TENM1: variants seen among roughly 807,000 people sequenced by gnomAD.
TENM1 encodes teneurin transmembrane protein 1.
TENM1 carries 35 observed loss-of-function variants against 174.8 expected under a neutral mutation model. The observed-to-expected ratio is 0.20, with a 90% confidence interval of 0.15 to 0.27. TENM1 has a LOEUF of 0.27. Ranked by LOEUF, TENM1 falls within the 10% of genes least tolerant of loss-of-function variation. TENM1 has a pLI of 1.00. For missense variants in TENM1, 1,633 were observed against 2,130.1 expected (o/e 0.77, Z 4.59); for synonymous variants, 781 against 798.7 (o/e 0.98, Z 0.37).
chrX:124,401,735 T>C (rs2060403102), intron 27 of TENM1, among the ~76,000 whole-genome samples: 1 of 111,781 alleles, frequency 8.9e-6, no homozygotes, highest in Non-Finnish European at 1.9e-5. Flanking sequence ...TTCATTAAAT[T>C]GGAAATGCCA....
the TENM1 span, among the ~76,000 whole-genome samples, chrX:125,061,729 C>T: frequency 8.9e-6 from 1 of 111,808 alleles, no homozygotes; most frequent in African/African-American, 3.3e-5. Context: ...CCAGCCTGGC[C>T]TCCATGATGA....
chrX:125,071,587 T>C, the TENM1 span, among the ~76,000 whole-genome samples: 1 of 112,053 alleles, frequency 8.9e-6, no homozygotes, highest in Non-Finnish European at 1.9e-5. Flanking sequence ...CTACTTAATT[T>C]TAAAAAGCCT....
chrX:125,193,022 A>G, the TENM1 span, among the ~76,000 whole-genome samples: 10 of 106,940 alleles, frequency 9.4e-5, no homozygotes, highest in Non-Finnish European at 1.9e-4. Context: ...CTTGTGAATT[A>G]TTTTTTCATG....
the TENM1 span, among the ~76,000 whole-genome samples, chrX:125,137,840 C>T: frequency 9.0e-6 from 1 of 111,167 alleles, no homozygotes; most frequent in East Asian, 2.8e-4. Context: ...CCATATATTA[C>T]TTGATGCCAT....
At chrX:125,071,967 C>T in the TENM1 span, among the ~76,000 whole-genome samples, 5 of 110,848 alleles carry the variant, frequency 4.5e-5, no homozygotes, top group Non-Finnish European at 9.5e-5. Flanking sequence ...AAAGCAGTGT[C>T]GAAGGTCATC....
intron 14 of TENM1, among the ~76,000 whole-genome samples, chrX:124,556,145 G>A (rs1408208599): frequency 9.0e-6 from 1 of 111,650 alleles, no homozygotes; most frequent in Non-Finnish European, 1.9e-5. Context: ...AGAGGTGGAC[G>A]AGGTCCAGTC....
At chrX:124,728,428 T>A (rs1043460898) in intron 4 of TENM1, among the ~76,000 whole-genome samples, 10 of 111,766 alleles carry the variant, frequency 8.9e-5, no homozygotes, top group African/African-American at 2.6e-4. Flanking sequence ...AAAAGAATAG[T>A]GCCTAATATC....
intron 22 of TENM1, among the ~76,000 whole-genome samples, chrX:124,466,943 C>A (rs1186486939): frequency 1.8e-5 from 2 of 111,605 alleles, no homozygotes; most frequent in Admixed American, 1.9e-4. Flanking sequence ...GCAGACCTAT[C>A]AATCTATTAC....
chrX:124,507,311 G>C (rs2148007454), intron 18 of TENM1, among the ~76,000 whole-genome samples: 1 of 111,204 alleles, frequency 9.0e-6, no homozygotes, highest in South Asian at 3.9e-4. Flanking sequence ...TCTGAGCCAT[G>C]TGATCACCTC....
At chrX:124,809,420 A>C (rs5958589) in intron 3 of TENM1, among the ~76,000 whole-genome samples, 5,278 of 111,295 alleles carry the variant, frequency 0.047, 193 homozygotes, top group African/African-American at 0.12. Flanking sequence ...ACACAGATGC[A>C]AAAATCCTCA....
chrX:124,611,485 C>T (rs775556044), intron 11 of TENM1, among the ~76,000 whole-genome samples: 7 of 111,787 alleles, frequency 6.3e-5, no homozygotes, highest in Non-Finnish European at 1.1e-4. Flanking sequence ...ACCTACTTAA[C>T]TTACTCCTTG....
At chrX:124,759,356 A>G (rs1029557146) in intron 3 of TENM1, among the ~76,000 whole-genome samples, 1 of 111,257 alleles carries the variant, frequency 9.0e-6, no homozygotes, top group Non-Finnish European at 1.9e-5. Flanking sequence ...CTTTTGGGGA[A>G]CGGGTGGTAT....
chrX:124,581,984 A>G (rs2148216695), intron 11 of TENM1, among the ~76,000 whole-genome samples: 1 of 111,762 alleles, frequency 8.9e-6, no homozygotes, highest in East Asian at 2.8e-4. Flanking sequence ...CTATCAACCC[A>G]TCACCTAGGT....
the TENM1 span, among the ~76,000 whole-genome samples, chrX:125,119,006 G>A: frequency 9.0e-6 from 1 of 110,981 alleles, no homozygotes; most frequent in Non-Finnish European, 1.9e-5. Flanking sequence ...GGGTAGTGTG[G>A]TGACTCTATG....
intron 23 of TENM1, among the ~76,000 whole-genome samples, chrX:124,451,696 A>G (rs1477395505): frequency 8.9e-6 from 1 of 111,805 alleles, no homozygotes; most frequent in African/African-American, 3.3e-5. Context: ...GGAACAGAAC[A>G]GAGCCCTCAG....
intron 11 of TENM1, among the ~76,000 whole-genome samples, chrX:124,578,418 G>A (rs1229057074): frequency 2.7e-5 from 3 of 111,098 alleles, no homozygotes; most frequent in African/African-American, 6.5e-5. Flanking sequence ...TTAAGAGTAC[G>A]GACTCTAAAG....
chrX:124,561,795 A>G (rs761530362), exon 14 of TENM1: 51 of 1,209,392 alleles, frequency 4.2e-5, no homozygotes, highest in Non-Finnish European at 5.6e-5. Flanking sequence ...GTCCATTTCC[A>G]AAGCAGAGCC....
chrX:125,121,222 T>C, the TENM1 span, among the ~76,000 whole-genome samples: 64 of 111,254 alleles, frequency 5.8e-4, no homozygotes, highest in African/African-American at 1.9e-3. Flanking sequence ...CTATCCCTGA[T>C]CTATATACCA....
intron 11 of TENM1, among the ~76,000 whole-genome samples, chrX:124,569,499 A>C (rs886742910): frequency 3.1e-4 from 35 of 112,144 alleles, no homozygotes; most frequent in African/African-American, 1.1e-3. Context: ...AATATTGACC[A>C]CGTGCTAGGC....
Sources: allele counts gnomAD v4.1 joint callset (sites outside exome capture counted in the v4.1 genomes callset), GRCh38; gene constraint gnomAD v4.1.1; transcripts MANE v1.5; gene names NCBI Gene and HGNC (gene_info 2026-07-23, HGNC 2026-07-21).